Variants in KCNQ3 observed in about 807,000 individuals in gnomAD.
KCNQ3 encodes potassium voltage-gated channel subfamily KQT member 3.
A neutral mutation model predicts 92.5 loss-of-function variants in KCNQ3; 30 were observed. The ratio of observed to expected loss-of-function variants is 0.32; its 90% CI spans 0.24 to 0.44. KCNQ3 has a LOEUF of 0.44. Among genes scored for constraint, KCNQ3 ranks in the 20% least tolerant of loss-of-function variants. KCNQ3 has a pLI of 1.00. For missense variants in KCNQ3, 913 were observed against 1,140.3 expected, an observed-to-expected ratio of 0.80 and a Z score of 2.87; for synonymous variants, 450 against 468.8, an observed-to-expected ratio of 0.96 and a Z score of 0.52.
At chr8:132,240,862 TCAAAA>T (rs1814970295) in intron 1 of KCNQ3, among the ~76,000 whole-genome samples, 1 of 151,378 alleles carries the variant, frequency 6.6e-6, no homozygotes, top group South Asian at 2.1e-4. Flanking sequence ...CCTTTAATTC[TCAAAA>T]CAACCCAATG....
chr8:132,176,779 G>T (rs1273795411), intron 4 of KCNQ3, among the ~76,000 whole-genome samples: 1 of 152,226 alleles, frequency 6.6e-6, no homozygotes, highest in South Asian at 2.1e-4. Context: ...GAAAGATAGA[G>T]TTCAGCTGTG....
chr8:132,408,035 T>C (rs1324094759), intron 1 of KCNQ3, among the ~76,000 whole-genome samples: 4 of 152,152 alleles, frequency 2.6e-5, no homozygotes, highest in Non-Finnish European at 1.5e-5. Context: ...TAATCTAGTT[T>C]ATTACTAGTT....
At chr8:132,287,530 TG>T (rs1816712442) in intron 1 of KCNQ3, among the ~76,000 whole-genome samples, 1 of 152,152 alleles carries the variant, frequency 6.6e-6, no homozygotes, top group Non-Finnish European at 1.5e-5. Flanking sequence ...TATCCATGAG[TG>T]GATGAACTGA....
chr8:132,261,403 C>T (rs544092381), intron 1 of KCNQ3, among the ~76,000 whole-genome samples: 218 of 152,352 alleles, frequency 1.4e-3, no homozygotes, highest in Non-Finnish European at 2.8e-3. Flanking sequence ...TCAGCTGTCC[C>T]ATTCTCACTG....
Position 132,455,585 on chromosome 8 carries a change from G to T in KCNQ3, c.386+24562C>A, listed in dbSNP as rs1434064173. 3.3e-5 allele frequency among the ~76,000 whole-genome samples: 5 copies of T among 152,172 alleles called. No individual in the cohort carries two copies. In the East Asian group the frequency reaches 9.6e-4, roughly 29 times the overall value. On this transcript the variant is annotated intron_variant, in intron 1 of 14. Coordinates refer to ENST00000388996, the MANE Select transcript of KCNQ3 (RefSeq NM_004519.4). ...GAGCTTGGTACCTATTCTATTTAGA[G>T]CTAGAATCCAAGAGGCCTGGATTCA...
intron 8 of KCNQ3, among the ~76,000 whole-genome samples, chr8:132,169,698 C>T (rs553400041): frequency 6.6e-6 from 1 of 152,304 alleles, no homozygotes; most frequent in Non-Finnish European, 1.5e-5. Flanking sequence ...CTTTCCTTAT[C>T]AGCTACTCCA....
intron 1 of KCNQ3, among the ~76,000 whole-genome samples, chr8:132,229,755 T>A (rs1814569014): frequency 6.6e-6 from 1 of 151,950 alleles, no homozygotes; most frequent in Non-Finnish European, 1.5e-5. Context: ...AAGAGGCATG[T>A]TCTTGTCAAT....
intron 1 of KCNQ3, among the ~76,000 whole-genome samples, chr8:132,238,373 T>C (rs769274353): frequency 8.5e-5 from 13 of 152,116 alleles, no homozygotes; most frequent in Non-Finnish European, 1.9e-4. Flanking sequence ...ACTGAACCAT[T>C]GGGCCCTAGA....
intron 9 of KCNQ3, among the ~76,000 whole-genome samples, chr8:132,145,503 A>G (rs1413946934): frequency 6.6e-6 from 1 of 152,240 alleles, no homozygotes; most frequent in African/African-American, 2.4e-5. Flanking sequence ...AAATGAAGCT[A>G]ATATTTATTC....
At chr8:132,472,337 T>G (rs1822317198) in intron 1 of KCNQ3, among the ~76,000 whole-genome samples, 1 of 152,066 alleles carries the variant, frequency 6.6e-6, no homozygotes, top group Non-Finnish European at 1.5e-5. Flanking sequence ...GTATTCCCAA[T>G]AACAAAGTAA....
chr8:132,166,470 T>C (rs1352925634), intron 8 of KCNQ3, among the ~76,000 whole-genome samples: 1 of 152,144 alleles, frequency 6.6e-6, no homozygotes, highest in Non-Finnish European at 1.5e-5. Context: ...ATGACCAACT[T>C]GTACTAAGTC....
At chr8:132,369,953 C>T (rs1460939229) in intron 1 of KCNQ3, among the ~76,000 whole-genome samples, 14 of 152,194 alleles carry the variant, frequency 9.2e-5, no homozygotes, top group Non-Finnish European at 1.9e-4. Flanking sequence ...CTTTCCCATG[C>T]TGCTGTATTC....
chr8:132,287,444 G>T (rs1392350402), intron 1 of KCNQ3, among the ~76,000 whole-genome samples: 1 of 152,120 alleles, frequency 6.6e-6, no homozygotes, highest in African/African-American at 2.4e-5. Context: ...TTGAAAACAG[G>T]TATTTAAACA....
chr8:132,184,151 C>T (rs1278722498), intron 3 of KCNQ3, 90 bp downstream of exon 3: 4 of 1,553,864 alleles, frequency 2.6e-6, no homozygotes, highest in South Asian at 2.2e-5. Flanking sequence ...CGCGTGATTT[C>T]CCAGAATAGC....
chr8:132,126,486 A>G lies in KCNQ3; in HGVS notation c.*2776T>C, dbSNP rs890803952. On this transcript the variant is annotated 3_prime_UTR_variant, in exon 15 of 15. Transcript: ENST00000388996. Reference sequence around the variant, plus strand: ...TTGGGGAACAAAAGGAGAATATCAAAGCAGAGTTATTCCAGAAGATCATTT... The same window carrying G: ...TTGGGGAACAAAAGGAGAATATCAAGGCAGAGTTATTCCAGAAGATCATTT... 5.9e-5 allele frequency: 9 copies of G among 152,214 alleles called. No individual in the cohort carries two copies. The highest frequency in any genetic ancestry group is 2.2e-4 in the African/African-American group (9 of 41,448). 9.4% of individuals were successfully genotyped at this position (152,214 alleles called of 1,614,324 possible). A position where few individuals can be genotyped will look rare whatever the true frequency, so the allele number is the denominator to read the frequency against.
At chr8:132,288,463 C>T (rs558024990) in intron 1 of KCNQ3, among the ~76,000 whole-genome samples, 1 of 152,152 alleles carries the variant, frequency 6.6e-6, no homozygotes, top group South Asian at 2.1e-4. Flanking sequence ...TTTTGGACTA[C>T]CTGTTCTTCA....
chr8:132,158,004 A>G (rs1455271367), intron 9 of KCNQ3, among the ~76,000 whole-genome samples: 1 of 152,166 alleles, frequency 6.6e-6, no homozygotes, highest in African/African-American at 2.4e-5. Flanking sequence ...GGGGAATTAC[A>G]TAGCCCTCCA....
At chr8:132,297,943 A>C (rs1586906041) in intron 1 of KCNQ3, among the ~76,000 whole-genome samples, 1 of 152,256 alleles carries the variant, frequency 6.6e-6, no homozygotes, top group East Asian at 1.9e-4. Flanking sequence ...GGCATGTGTC[A>C]GTTTCTTTTA....
rs182005650 is a variant in KCNQ3, at chr8:132,144,621, G to C, written c.1263-3290C>G. 1.2e-3 allele frequency among the ~76,000 whole-genome samples: 181 copies of C among 152,328 alleles called. 1 individual carries two copies. Among genetic ancestry groups the C allele is most frequent in the African/African-American group, 4.2e-3 (176 of 41,576 alleles). On this transcript the variant is annotated intron_variant, in intron 9 of 14. Transcript: ENST00000388996. ...GGCATGGAAAAGGAAAATCAAGGTTGTTCTATCCTGGACAATATGGCTCTT... is the reference window on the plus strand; with the variant it reads ...GGCATGGAAAAGGAAAATCAAGGTTCTTCTATCCTGGACAATATGGCTCTT...
Sources: allele counts gnomAD v4.1 joint callset (sites outside exome capture counted in the v4.1 genomes callset), GRCh38; gene constraint gnomAD v4.1.1; transcripts MANE v1.5; gene names NCBI Gene and HGNC (gene_info 2026-07-23, HGNC 2026-07-21).